The following CCSER1 variants were observed in gnomAD, a reference collection of about 807,000 sequenced individuals.
CCSER1 encodes the protein serine-rich coiled-coil domain-containing protein 1.
CCSER1 carries 41 observed loss-of-function variants against 82.0 expected under a neutral mutation model. The ratio of observed to expected loss-of-function variants is 0.50; its 90% confidence interval spans 0.39 to 0.65. The LOEUF is 0.65. Ranked by LOEUF, CCSER1 falls within the 30% of genes least tolerant of loss-of-function variation. The probability of loss-of-function intolerance (pLI) is 0.00; values close to 1 mark genes in which losing one functional copy is unlikely to be tolerated. For synonymous variants in CCSER1, 414 were observed against 383.9 expected (o/e 1.08, Z -0.92); for missense variants, 1,119 against 1,064.2 (o/e 1.05, Z -0.72).
intron 10 of CCSER1, among the ~76,000 whole-genome samples, chr4:91,359,965 A>T (rs561545161): frequency 1.6e-4 from 25 of 151,946 alleles, no homozygotes; most frequent in Non-Finnish European, 3.2e-4. Context: ...TATTAAGGTG[A>T]GGGTCAATAT....
intron 10 of CCSER1, among the ~76,000 whole-genome samples, chr4:91,319,991 C>T (rs903778745): frequency 1.3e-5 from 2 of 152,046 alleles, no homozygotes; most frequent in African/African-American, 2.4e-5. Context: ...TGTCCTGTTC[C>T]GTCTAGCCTG....
At chr4:91,258,867 G>C (rs1365722596) in intron 10 of CCSER1, among the ~76,000 whole-genome samples, 1 of 152,062 alleles carries the variant, frequency 6.6e-6, no homozygotes, top group Non-Finnish European at 1.5e-5. Flanking sequence ...CTTGTCCATG[G>C]TCATCAATGT....
intron 5 of CCSER1, among the ~76,000 whole-genome samples, chr4:90,572,980 G>T (rs1227480815): frequency 6.6e-6 from 1 of 152,234 alleles, no homozygotes; most frequent in Non-Finnish European, 1.5e-5. Flanking sequence ...GTCTGGGAAA[G>T]CCCTGAGGTA....
At chr4:90,351,698 A>G (rs906894398) in intron 3 of CCSER1, among the ~76,000 whole-genome samples, 1 of 152,178 alleles carries the variant, frequency 6.6e-6, no homozygotes, top group African/African-American at 2.4e-5. Flanking sequence ...TTATTTATGG[A>G]CTGGGTAGTA....
chr4:91,359,243 C>T (rs1041141193), intron 10 of CCSER1, among the ~76,000 whole-genome samples: 1 of 151,832 alleles, frequency 6.6e-6, no homozygotes, highest in Non-Finnish European at 1.5e-5. Context: ...TGTCTGTAAT[C>T]TATGAATAAC....
intron 8 of CCSER1, among the ~76,000 whole-genome samples, chr4:90,904,643 G>A (rs1277263037): frequency 6.6e-6 from 1 of 152,088 alleles, no homozygotes; most frequent in African/African-American, 2.4e-5. Flanking sequence ...GGGAAAGTAT[G>A]TATGTGTGAC....
chr4:90,153,860 T>C (rs1385140662), intron 1 of CCSER1, among the ~76,000 whole-genome samples: 1 of 152,230 alleles, frequency 6.6e-6, no homozygotes, highest in Non-Finnish European at 1.5e-5. Context: ...GTAGTTTCTT[T>C]TGCTGTGCAG....
chr4:91,438,881 G>C (rs1047547531), intron 10 of CCSER1, among the ~76,000 whole-genome samples: 1 of 152,180 alleles, frequency 6.6e-6, no homozygotes, highest in African/African-American at 2.4e-5. Context: ...AAGGGTATCA[G>C]TGATGGAAGA....
rs532179514 is a variant in CCSER1 at position 90,933,858 on chromosome 4, ATAATT to A, written c.2172+10415_2172+10419del. 3.4e-4 allele frequency among the ~76,000 whole-genome samples: 51 copies of A among 152,092 alleles called. 1 individual carries two copies. The highest frequency in any genetic ancestry group is 1.2e-3 in the African/African-American group (48 of 41,580). On this transcript the variant is annotated intron_variant, in intron 9 of 10. Coordinates refer to ENST00000509176, the MANE Select transcript of CCSER1 (RefSeq NM_001145065.2). ...TGTTAATGAATGCATTTTACTATTC[ATAATT>A]TAAAGGACTGAATATCATTCAATCA...
chr4:91,321,430 A>G (rs925057104), intron 10 of CCSER1, among the ~76,000 whole-genome samples: 2 of 152,074 alleles, frequency 1.3e-5, no homozygotes, highest in Non-Finnish European at 2.9e-5. Context: ...CTAGTTGGGA[A>G]GTAGAAAATT....
At chr4:91,081,979 C>T (rs1331451275) in intron 9 of CCSER1, among the ~76,000 whole-genome samples, 1 of 152,146 alleles carries the variant, frequency 6.6e-6, no homozygotes, top group Non-Finnish European at 1.5e-5. Flanking sequence ...GTGAAAATGG[C>T]CATACTGCCC....
chr4:90,247,630 T>C (rs1274337133), intron 1 of CCSER1, among the ~76,000 whole-genome samples: 1 of 152,100 alleles, frequency 6.6e-6, no homozygotes, highest in East Asian at 1.9e-4. Context: ...TTGGAAAACA[T>C]GTTTCTATAC....
At chr4:91,215,984 T>C (rs1737208457) in intron 10 of CCSER1, among the ~76,000 whole-genome samples, 1 of 152,216 alleles carries the variant, frequency 6.6e-6, no homozygotes, top group Non-Finnish European at 1.5e-5. Context: ...GTTTTGATCC[T>C]CTCCCTCTTG....
intron 10 of CCSER1, among the ~76,000 whole-genome samples, chr4:91,330,262 T>C (rs541287552): frequency 6.6e-6 from 1 of 152,148 alleles, no homozygotes; most frequent in African/African-American, 2.4e-5. Context: ...TGGTTATTGA[T>C]GCTTAGGAGG....
chr4:90,802,780 A>C (rs1200089094), intron 7 of CCSER1, among the ~76,000 whole-genome samples: 1 of 152,198 alleles, frequency 6.6e-6, no homozygotes, highest in Non-Finnish European at 1.5e-5. Context: ...CTAAGTCAAC[A>C]TAAGAATTAT....
At chr4:91,032,162 A>G (rs1741039885) in intron 9 of CCSER1, among the ~76,000 whole-genome samples, 1 of 152,144 alleles carries the variant, frequency 6.6e-6, no homozygotes, top group African/African-American at 2.4e-5. Context: ...TACTTCCATT[A>G]GTTCTCTTGC....
chr4:91,190,047 T>C (rs2149046652), intron 10 of CCSER1, among the ~76,000 whole-genome samples: 1 of 152,298 alleles, frequency 6.6e-6, no homozygotes, highest in Admixed American at 6.5e-5. Context: ...GGCACCACTG[T>C]TGAAATCTGT....
At chr4:90,263,487 A>G (rs533509545) in intron 1 of CCSER1, among the ~76,000 whole-genome samples, 2 of 152,276 alleles carry the variant, frequency 1.3e-5, no homozygotes, top group East Asian at 1.9e-4. Context: ...GCTGGTTATA[A>G]TCATAGTGAA....
intron 7 of CCSER1, among the ~76,000 whole-genome samples, chr4:90,774,089 C>T (rs1752592155): frequency 1.3e-5 from 2 of 151,996 alleles, no homozygotes; most frequent in Non-Finnish European, 2.9e-5. Context: ...TCTAGTTAGT[C>T]TATGAGATTG....
Sources: gnomAD v4.1 joint callset for allele counts (sites outside exome capture counted in the v4.1 genomes callset) on GRCh38, gnomAD v4.1.1 for gene constraint, MANE v1.5 for transcripts, NCBI Gene and HGNC (gene_info 2026-07-23, HGNC 2026-07-21) for gene names.